Variants in DCC observed in about 807,000 individuals in gnomAD.
The protein encoded by DCC is DCC netrin 1 receptor, also known as netrin receptor DCC.
DCC carries 58 observed loss-of-function variants against 172.5 expected under a neutral mutation model. The observed-to-expected ratio is 0.34, with a 90% confidence interval of 0.27 to 0.42. DCC has a LOEUF of 0.42. DCC is among the 10% of genes least tolerant of loss of function. DCC has a pLI of 1.00. For missense variants in DCC, 1,740 were observed against 1,791.0 expected (o/e 0.97, Z 0.51); for synonymous variants, 709 against 644.5 (o/e 1.10, Z -1.52).
At chr18:52,760,653 C>A (rs932493488) in intron 2 of DCC, among the ~76,000 whole-genome samples, 2 of 152,080 alleles carry the variant, frequency 1.3e-5, no homozygotes, top group South Asian at 2.1e-4. Flanking sequence ...ACTTTATGAA[C>A]CTATTTCTGG....
chr18:52,988,459 G>A (rs2041330882), intron 5 of DCC, among the ~76,000 whole-genome samples: 1 of 151,978 alleles, frequency 6.6e-6, no homozygotes, highest in Non-Finnish European at 1.5e-5. Context: ...TGCTCTATAA[G>A]AGAAATTCTT....
chr18:52,935,038 C>T (rs561739178), intron 5 of DCC: 6 of 152,244 alleles, frequency 3.9e-5, no homozygotes, highest in African/African-American at 1.4e-4. Flanking sequence ...CGTTACAGAA[C>T]AATCACTAAA....
chr18:53,097,502 G>T (rs1324617673), intron 7 of DCC, among the ~76,000 whole-genome samples: 1 of 152,146 alleles, frequency 6.6e-6, no homozygotes, highest in Admixed American at 6.6e-5. Context: ...CTTGATTGGG[G>T]AAGATAGATG....
At chr18:53,501,903 A>ATTACC (rs1339645745) in intron 27 of DCC, among the ~76,000 whole-genome samples, 1 of 152,192 alleles carries the variant, frequency 6.6e-6, no homozygotes, top group East Asian at 1.9e-4. Flanking sequence ...TTCTAATTAC[A>ATTACC]TTAATGCCAA....
At chr18:53,426,201 A>G (rs1018134911) in intron 21 of DCC, among the ~76,000 whole-genome samples, 15 of 149,252 alleles carry the variant, frequency 1.0e-4, no homozygotes, top group Middle Eastern at 3.6e-3. Context: ...CACAGGAGTA[A>G]CCAATGTGTT....
chr18:52,669,161 T>C (rs981760853), intron 1 of DCC, among the ~76,000 whole-genome samples: 2 of 152,150 alleles, frequency 1.3e-5, no homozygotes, highest in African/African-American at 4.8e-5. Context: ...AGCTGTCCTC[T>C]TGTGCTGAGT....
intron 9 of DCC, among the ~76,000 whole-genome samples, chr18:53,200,099 C>G (rs1393271618): frequency 6.6e-6 from 1 of 152,148 alleles, no homozygotes; most frequent in East Asian, 1.9e-4. Context: ...CAGAAGAGTG[C>G]AGTTGATGCC....
At chr18:52,654,927 T>A (rs1057029767) in intron 1 of DCC, among the ~76,000 whole-genome samples, 2 of 152,198 alleles carry the variant, frequency 1.3e-5, no homozygotes, top group African/African-American at 4.8e-5. Flanking sequence ...TTATTGTTTA[T>A]CTACTGTTGC....
At chr18:52,998,395 C>T (rs1387525224) in intron 5 of DCC, among the ~76,000 whole-genome samples, 1 of 152,194 alleles carries the variant, frequency 6.6e-6, no homozygotes, top group East Asian at 1.9e-4. Context: ...AACAGCATCA[C>T]ACTCAGAATG....
At chr18:53,523,849 C>A (rs2046426532) in intron 27 of DCC, among the ~76,000 whole-genome samples, 1 of 151,816 alleles carries the variant, frequency 6.6e-6, no homozygotes, top group Non-Finnish European at 1.5e-5. Flanking sequence ...ACATGTATAC[C>A]TATGTAACAA....
intron 5 of DCC, among the ~76,000 whole-genome samples, chr18:53,022,323 G>A (rs2041892090): frequency 6.6e-6 from 1 of 152,018 alleles, no homozygotes; most frequent in African/African-American, 2.4e-5. Flanking sequence ...TATTATCTCT[G>A]TGGAGTTGGG....
chr18:52,927,154 TATAC>T (rs1187568233), intron 5 of DCC, among the ~76,000 whole-genome samples: 1 of 66,526 alleles, frequency 1.5e-5, no homozygotes, highest in African/African-American at 4.8e-5. Context: ...TATGTGTATA[TATAC>T]GTATATATGT....
At chr18:52,514,223 A>G (rs2031544759) in intron 1 of DCC, among the ~76,000 whole-genome samples, 1 of 149,022 alleles carries the variant, frequency 6.7e-6, no homozygotes, top group African/African-American at 2.5e-5. Flanking sequence ...GTATGCATGT[A>G]TATGTGTGTG....
Position 53,397,452 on chromosome 18 carries a change from T to C in DCC, c.2827+6T>C. ...TGCCACCACGTATGAAGCAGGTATG[T>C]GAGGAAATGTCTACTTTGGACCCTT... On this transcript the variant is annotated splice_donor_region_variant and intron_variant, in intron 18 of 28. Coordinates refer to ENST00000442544, the MANE Select transcript of DCC (RefSeq NM_005215.4). 1 of 1,613,894 alleles carries C rather than the reference T, an allele frequency of 6.2e-7. No homozygotes were observed. Among genetic ancestry groups the C allele is most frequent in the Non-Finnish European group, 8.5e-7 (1 of 1,179,898 alleles).
At chr18:52,821,015 G>C (rs1348937234) in intron 2 of DCC, among the ~76,000 whole-genome samples, 1 of 152,166 alleles carries the variant, frequency 6.6e-6, no homozygotes. Context: ...CTCTGTTTTC[G>C]TGCTGAATTT....
intron 1 of DCC, among the ~76,000 whole-genome samples, chr18:52,422,740 C>T (rs1228671435): frequency 2.0e-5 from 3 of 151,972 alleles, no homozygotes; most frequent in Admixed American, 6.6e-5. Flanking sequence ...AGAAAGGAAG[C>T]GGCAATGGGG....
intron 1 of DCC, 144 bp from the exon 2 acceptor site, chr18:52,751,910 C>A (rs890101259): frequency 2.9e-6 from 2 of 695,778 alleles, no homozygotes; most frequent in East Asian, 5.5e-5. Context: ...AACATAATAT[C>A]CTTGATTTTA....
In DCC at chr18:53,477,700, G is replaced by C. The variant is rs537429061; in HGVS notation, c.3737-9097G>C. 2.0e-4 allele frequency among the ~76,000 whole-genome samples: 31 copies of C among 152,250 alleles called. 1 individual carries two copies. Among genetic ancestry groups the C allele is most frequent in the Non-Finnish European group, 3.4e-4 (23 of 67,998 alleles). ...GGCTCTTAAAACTCACAGAGAAAAT[G>C]TATTTAATTTCATGGGAAGGCAGAA... On this transcript the variant is annotated intron_variant, in intron 25 of 28. Coordinates refer to ENST00000442544, the MANE Select transcript of DCC (RefSeq NM_005215.4).
At chr18:52,396,320 T>C (rs1986230001) in intron 1 of DCC, among the ~76,000 whole-genome samples, 1 of 127,904 alleles carries the variant, frequency 7.8e-6, no homozygotes, top group South Asian at 2.8e-4. Flanking sequence ...TTCAAACATT[T>C]GATGAAGCTT....
Sources: allele counts gnomAD v4.1 joint callset (sites outside exome capture counted in the v4.1 genomes callset), GRCh38; gene constraint gnomAD v4.1.1; transcripts MANE v1.5; gene names NCBI Gene and HGNC (gene_info 2026-07-23, HGNC 2026-07-21).